AIG1: variants seen among roughly 807,000 people sequenced by gnomAD.
The protein encoded by AIG1 is androgen induced 1, also known as androgen-induced gene 1 protein.
A neutral mutation model predicts 31.4 loss-of-function variants in AIG1; 23 were observed. That is an observed-to-expected ratio of 0.73 (90% CI 0.53 to 1.04). AIG1 has a LOEUF of 1.04. Among genes scored for constraint, AIG1 ranks in the 50% least tolerant of loss-of-function variants. The pLI, the probability that AIG1 is intolerant of heterozygous loss-of-function variation, is 0.00. For missense variants in AIG1, 274 were observed against 295.0 expected, an observed-to-expected ratio of 0.93 and a Z score of 0.52; for synonymous variants, 100 against 110.5, an observed-to-expected ratio of 0.90 and a Z score of 0.60.
Position 143,136,858 on chromosome 6 carries a change from C to T in AIG1, c.165C>T (p.Gly55=). The T allele has an allele frequency of 6.9e-7, 1 of 1,455,228 alleles. No individual in the cohort carries two copies. The highest frequency in any genetic ancestry group is 9.2e-7 in the Non-Finnish European group (1 of 1,087,192). The allele number at this position is 1,455,228 out of a possible 1,614,324, so 90.1% of individuals were successfully genotyped here. ...IDLVIQAVFF[G]ICVLTDLSSL... Reference sequence around the variant, plus strand: ...AGGTTATCCAGGCTGTCTTTTTTGGCATCTGTGTGCTGACTGATCTTTCCA... The same window carrying T: ...AGGTTATCCAGGCTGTCTTTTTTGGTATCTGTGTGCTGACTGATCTTTCCA... Residue 55 remains glycine (G), a synonymous_variant, in exon 2 of 6, where the codon GGC becomes GGT. Transcript: ENST00000357847.
At chr6:143,265,704 A>G (rs1796106812) in intron 3 of AIG1, among the ~76,000 whole-genome samples, 1 of 152,232 alleles carries the variant, frequency 6.6e-6, no homozygotes, top group Non-Finnish European at 1.5e-5. Flanking sequence ...AGGAGGAGAA[A>G]GATTTCTGAG....
chr6:143,334,457 G>A lies in AIG1; in HGVS notation c.679+1012G>A, dbSNP rs113412465. Among the ~76,000 whole-genome samples, 2 of 152,282 alleles carry A rather than the reference G, an allele frequency of 1.3e-5. No individual in the cohort carries two copies. The highest frequency in any genetic ancestry group is 4.8e-5 in the African/African-American group (2 of 41,546). On this transcript the variant is annotated intron_variant, in intron 5 of 5. Coordinates refer to ENST00000357847, the MANE Select transcript of AIG1 (RefSeq NM_016108.4). The surrounding 1 kb of genome is among the most constrained non-coding windows in gnomAD (Gnocchi z 5.1). ...TTGTGTGTGTGGATCCTCTAAGATT[G>A]TATGTGTCAGGGTATTAGCCAATGT...
rs1351634882 is a variant in AIG1, at chr6:143,291,461, C to T, written c.515+7236C>T. Among the ~76,000 whole-genome samples, 2 of 152,178 alleles carry T rather than the reference C, an allele frequency of 1.3e-5. No homozygotes were observed. The highest frequency in any genetic ancestry group is 2.9e-5 in the Non-Finnish European group (2 of 68,032). ...GAAACCCTTCAGAGACCCCTGCAAA[C>T]CTCACACTTATGCACCCGACGCAGA... On this transcript the variant is annotated intron_variant, in intron 4 of 5. Coordinates refer to ENST00000357847, the MANE Select transcript of AIG1 (RefSeq NM_016108.4). This position sits in a 1 kb window ranked among gnomAD's most constrained non-coding sequence, Gnocchi z 4.2.
At chr6:143,200,739 T>G (rs1387775679) in intron 3 of AIG1, among the ~76,000 whole-genome samples, 1 of 152,146 alleles carries the variant, frequency 6.6e-6, no homozygotes, top group Non-Finnish European at 1.5e-5. Context: ...GGTTTTGCTT[T>G]TCCGTTTCTT....
chr6:143,264,506 GA>G (rs1796020193), intron 3 of AIG1, among the ~76,000 whole-genome samples: 2 of 152,218 alleles, frequency 1.3e-5, no homozygotes, highest in Admixed American at 1.3e-4. Context: ...AGCCCCACAG[GA>G]GGTGCACAGA....
intron 3 of AIG1, among the ~76,000 whole-genome samples, chr6:143,273,543 C>A (rs774073763): frequency 2.0e-5 from 3 of 152,106 alleles, no homozygotes; most frequent in Non-Finnish European, 2.9e-5. Flanking sequence ...CTTTATTAGT[C>A]CATTTTCACG....
At chr6:143,223,865 C>G (rs138397957) in intron 3 of AIG1, among the ~76,000 whole-genome samples, 2 of 152,198 alleles carry the variant, frequency 1.3e-5, no homozygotes, top group East Asian at 3.9e-4. Context: ...AATTAAATTA[C>G]TGGAAATCAG....
chr6:143,064,216 G>A (rs1474350719), intron 1 of AIG1, among the ~76,000 whole-genome samples: 1 of 152,108 alleles, frequency 6.6e-6, no homozygotes. Context: ...CCTTAAAATA[G>A]GGTAATTATC....
intron 1 of AIG1, among the ~76,000 whole-genome samples, chr6:143,087,879 G>A (rs754105465): frequency 1.3e-5 from 2 of 152,222 alleles, no homozygotes; most frequent in Non-Finnish European, 2.9e-5. Flanking sequence ...ATCACTCAGG[G>A]TGTGTAAACC....
rs949535813 is a variant in AIG1, at chr6:143,094,487, T to C, written c.141+33421T>C. 4.6e-5 allele frequency among the ~76,000 whole-genome samples: 7 copies of C among 152,348 alleles called. No individual in the cohort carries two copies. The East Asian group carries it at 1.3e-3, about 29-fold the overall frequency. Reference sequence around the variant, plus strand: ...GTAGTTTCTATTTTATGTACTCCATTGCTTCGGAGTGAGAGAACCAGCCGG... The same window carrying C: ...GTAGTTTCTATTTTATGTACTCCATCGCTTCGGAGTGAGAGAACCAGCCGG... On this transcript the variant is annotated intron_variant, in intron 1 of 5. Coordinates refer to ENST00000357847, the MANE Select transcript of AIG1 (RefSeq NM_016108.4).
At chr6:143,307,479 G>T (rs1280661612) in intron 4 of AIG1, among the ~76,000 whole-genome samples, 1 of 152,222 alleles carries the variant, frequency 6.6e-6, no homozygotes, top group Admixed American at 6.5e-5. Context: ...GACCCTGTTT[G>T]CCTGGGTAAC....
At chr6:143,249,755 C>A (rs545814789) in intron 3 of AIG1, among the ~76,000 whole-genome samples, 8 of 152,328 alleles carry the variant, frequency 5.3e-5, no homozygotes, top group South Asian at 4.1e-4. Context: ...TTCAACCCCC[C>A]CTATGTTTGC....
intron 4 of AIG1, among the ~76,000 whole-genome samples, chr6:143,314,668 G>A (rs1775585758): frequency 6.6e-6 from 1 of 152,084 alleles, no homozygotes; most frequent in South Asian, 2.1e-4. Context: ...GTAGATGTGA[G>A]TAAGTAGAAC....
chr6:143,114,977 T>G (rs1444150637), intron 1 of AIG1, among the ~76,000 whole-genome samples: 1 of 152,244 alleles, frequency 6.6e-6, no homozygotes, highest in African/African-American at 2.4e-5. Context: ...GTAGGGTTTG[T>G]TGTTGCCTTA....
At position 143,298,090 on chromosome 6, in the gene AIG1, A is replaced by C. The variant is rs1322739288; in HGVS notation, c.515+13865A>C. On this transcript the variant is annotated intron_variant, in intron 4 of 5. Transcript: ENST00000357847. The surrounding 1 kb of genome is among the most constrained non-coding windows in gnomAD (Gnocchi z 5.1). ...GCAAAAAAAAAAAACATTGGATAAG[A>C]AAGAAAATGGAGTCCTAGAGCCTGG... Among the ~76,000 whole-genome samples the C allele has an allele frequency of 6.6e-6, 1 of 152,094 alleles. No individual in the cohort carries two copies. The highest frequency in any genetic ancestry group is 2.1e-4 in the South Asian group (1 of 4,830).
intron 4 of AIG1, among the ~76,000 whole-genome samples, chr6:143,318,719 A>C (rs907946864): frequency 6.6e-6 from 1 of 152,114 alleles, no homozygotes; most frequent in Non-Finnish European, 1.5e-5. Context: ...AAATCTTCAC[A>C]ATCTGTACAT....
intron 1 of AIG1, among the ~76,000 whole-genome samples, chr6:143,075,252 AT>A (rs1031542706): frequency 4.0e-5 from 6 of 151,510 alleles, no homozygotes; most frequent in African/African-American, 7.3e-5. Flanking sequence ...TCAGCTTTTG[AT>A]TTTTTTCGTC....
intron 4 of AIG1, among the ~76,000 whole-genome samples, chr6:143,305,641 C>A (rs1799213625): frequency 6.6e-6 from 1 of 152,054 alleles, no homozygotes; most frequent in Non-Finnish European, 1.5e-5. Flanking sequence ...AGCTTTACTT[C>A]CAACTATGTG....
intron 3 of AIG1, among the ~76,000 whole-genome samples, chr6:143,209,019 C>T (rs530389927): frequency 6.6e-6 from 1 of 152,130 alleles, no homozygotes; most frequent in African/African-American, 2.4e-5. Flanking sequence ...GGGGTTTTGC[C>T]TCTGGAGCCT....
Sources: gnomAD v4.1 joint callset for allele counts (sites outside exome capture counted in the v4.1 genomes callset) on GRCh38, gnomAD v4.1.1 for gene constraint, Gnocchi (gnomAD v3.1) non-coding constraint, MANE v1.5 for transcripts, NCBI Gene and HGNC (gene_info 2026-07-23, HGNC 2026-07-21) for gene names.